Variants in FBXL4 observed in about 807,000 individuals in gnomAD.
FBXL4 encodes F-box/LRR-repeat protein 4.
A neutral mutation model predicts 58.9 loss-of-function variants in FBXL4; 40 were observed. The ratio of observed to expected loss-of-function variants is 0.68; its 90% CI spans 0.53 to 0.88. The LOEUF is 0.88. Among genes scored for constraint, FBXL4 ranks in the 40% least tolerant of loss-of-function variants. FBXL4 has a pLI of 0.00. For missense variants in FBXL4, 676 were observed against 734.4 expected (o/e 0.92, Z 0.92); for synonymous variants, 263 against 265.5 (o/e 0.99, Z 0.09).
chr6:98,899,196 A>C, intron 7 of FBXL4, 72 bp downstream of exon 7: 1 of 1,580,418 alleles, frequency 6.3e-7, no homozygotes, highest in Non-Finnish European at 8.6e-7. Flanking sequence ...CATTATTATG[A>C]GCAATTACAG....
intron 8 of FBXL4, among the ~76,000 whole-genome samples, chr6:98,877,941 G>A (rs961463956): frequency 1.4e-4 from 22 of 152,082 alleles, no homozygotes; most frequent in African/African-American, 4.1e-4. Flanking sequence ...ACATGTTTAC[G>A]GCATTGACTA....
intron 6 of FBXL4, among the ~76,000 whole-genome samples, chr6:98,902,964 T>C (rs146315529): frequency 1.1e-4 from 17 of 152,260 alleles, no homozygotes; most frequent in African/African-American, 3.8e-4. Flanking sequence ...TTCTCCACTA[T>C]TCTGAATAAT....
chr6:98,884,429 C>G (rs1158197587), intron 7 of FBXL4, among the ~76,000 whole-genome samples: 1 of 151,932 alleles, frequency 6.6e-6, no homozygotes, highest in Non-Finnish European at 1.5e-5. Context: ...TTTTATTGTG[C>G]ATATTTGAGA....
intron 1 of FBXL4, among the ~76,000 whole-genome samples, chr6:98,939,891 A>G (rs888598446): frequency 1.3e-5 from 2 of 152,256 alleles, no homozygotes; most frequent in Admixed American, 1.3e-4. Context: ...AGCTTCACAC[A>G]GCATTGGAAG....
Position 98,927,110 on chromosome 6 carries a change from A to G in FBXL4, c.-72-50T>C, listed in dbSNP as rs539088099. On this transcript the variant is annotated intron_variant, in intron 3 of 9. Coordinates refer to ENST00000369244, the MANE Select transcript of FBXL4 (RefSeq NM_001278716.2). Reference sequence around the variant, plus strand: ...AGTAAAATAATTTAAATAAGCAGAAAAATGCATGGATAAGGTAATGAACAG... The same window carrying G: ...AGTAAAATAATTTAAATAAGCAGAAGAATGCATGGATAAGGTAATGAACAG... 5 of 909,192 alleles carry G rather than the reference A, an allele frequency of 5.5e-6. No homozygotes were observed. In the African/African-American group the frequency reaches 8.3e-5, roughly 15 times the overall value. The allele number at this position is 909,192 out of a possible 1,614,324, so 56.3% of individuals were successfully genotyped here. A position where few individuals can be genotyped will look rare whatever the true frequency, so the allele number is the denominator to read the frequency against.
chr6:98,937,823 G>C (rs1371111500), intron 1 of FBXL4, among the ~76,000 whole-genome samples: 1 of 152,124 alleles, frequency 6.6e-6, no homozygotes, highest in South Asian at 2.1e-4. Flanking sequence ...AGTCAAAACT[G>C]TCCAGAATAA....
intron 7 of FBXL4, among the ~76,000 whole-genome samples, chr6:98,893,257 G>C (rs1351616881): frequency 2.0e-5 from 3 of 152,160 alleles, no homozygotes; most frequent in African/African-American, 7.2e-5. Context: ...TTCTAGGGCT[G>C]CTATAACAAA....
chr6:98,920,819 TAC>T (rs10633715), intron 4 of FBXL4, among the ~76,000 whole-genome samples: 16,658 of 144,616 alleles, frequency 0.12, 1,298 homozygotes, highest in African/African-American at 0.22. Flanking sequence ...TACACACACA[TAC>T]ACACACACAC....
intron 7 of FBXL4, chr6:98,897,230 T>C (rs1301114842): frequency 4.1e-6 from 4 of 985,318 alleles, no homozygotes; most frequent in Non-Finnish European, 4.8e-6. Context: ...AAATAGTAAA[T>C]GTGCCAGTAA....
chr6:98,923,437 G>A (rs1772659440), intron 4 of FBXL4, among the ~76,000 whole-genome samples: 1 of 152,098 alleles, frequency 6.6e-6, no homozygotes, highest in Non-Finnish European at 1.5e-5. Flanking sequence ...GTCTCCAGTT[G>A]CCAACAGCTT....
chr6:98,894,018 G>A (rs758130410), intron 7 of FBXL4, among the ~76,000 whole-genome samples: 1 of 151,900 alleles, frequency 6.6e-6, no homozygotes, highest in Non-Finnish European at 1.5e-5. Context: ...GGACTACAGG[G>A]GCATGTCCAG....
intron 4 of FBXL4, among the ~76,000 whole-genome samples, chr6:98,922,840 T>C (rs564595722): frequency 1.3e-5 from 2 of 152,328 alleles, no homozygotes; most frequent in South Asian, 4.1e-4. Context: ...CTTTTTACTG[T>C]ATGTTAATTT....
intron 1 of FBXL4, among the ~76,000 whole-genome samples, chr6:98,937,299 CAAA>C (rs879607004): frequency 8.5e-6 from 1 of 117,954 alleles, no homozygotes. Context: ...GACTTCGTCT[CAAA>C]AAAAAAAAAA....
rs1328184717 is a variant in FBXL4 at position 98,927,096 on chromosome 6, TTAAA to T, written c.-72-40_-72-37del. ...GAATGGCTTGGTGAAGTAAAATAATTTAAATAAGCAGAAAAATGCATGGATAAGG... is the reference window on the plus strand; with the variant it reads ...GAATGGCTTGGTGAAGTAAAATAATTTAAGCAGAAAAATGCATGGATAAGG... On this transcript the variant is annotated intron_variant, in intron 3 of 9. Transcript: ENST00000369244. 9.1e-6 allele frequency: 10 copies of T among 1,098,642 alleles called. No individual in the cohort carries two copies. The African/African-American group carries it at 1.6e-4, about 17-fold the overall frequency. 68.1% of individuals were successfully genotyped at this position (1,098,642 alleles called of 1,614,324 possible).
intron 1 of FBXL4, among the ~76,000 whole-genome samples, chr6:98,946,867 T>C (rs550727129): frequency 6.6e-6 from 1 of 152,358 alleles, no homozygotes; most frequent in South Asian, 2.1e-4. Context: ...AATCTCTCTC[T>C]ACTCAACCAA....
At chr6:98,898,892 A>C (rs1471621272) in intron 7 of FBXL4, 1 of 985,310 alleles carries the variant, frequency 1.0e-6, no homozygotes, top group African/African-American at 1.7e-5. Context: ...AGTCTGGTCC[A>C]GGATAAATAT....
intron 5 of FBXL4, among the ~76,000 whole-genome samples, chr6:98,912,952 C>T (rs563215543): frequency 6.6e-6 from 1 of 151,772 alleles, no homozygotes; most frequent in African/African-American, 2.4e-5. Flanking sequence ...CAGAGACACA[C>T]ATAGGCTCAA....
intron 2 of FBXL4, among the ~76,000 whole-genome samples, chr6:98,934,041 T>A (rs1773108936): frequency 1.3e-5 from 2 of 152,158 alleles, no homozygotes; most frequent in Admixed American, 6.5e-5. Context: ...ATGAAAAAAG[T>A]AGTAACTTCT....
At position 98,916,306 on chromosome 6, in the gene FBXL4, CCCATTA is replaced by C. The variant is rs1288600221; in HGVS notation, c.858+1062_858+1067del. Reference sequence around the variant, plus strand: ...TAGAAATACCATTTGACCCAGCCATCCCATTACTGGGTATATACCCAAAGGACAATA... The same window carrying C: ...TAGAAATACCATTTGACCCAGCCATCCTGGGTATATACCCAAAGGACAATA... On this transcript the variant is annotated intron_variant, in intron 5 of 9. Transcript: ENST00000369244. 4.6e-5 allele frequency among the ~76,000 whole-genome samples: 7 copies of C among 152,312 alleles called. No homozygotes were observed. In the East Asian group the frequency reaches 1.4e-3, roughly 29 times the overall value.
Sources: gnomAD v4.1 joint callset for allele counts (sites outside exome capture counted in the v4.1 genomes callset) on GRCh38, gnomAD v4.1.1 for gene constraint, MANE v1.5 for transcripts, NCBI Gene and HGNC (gene_info 2026-07-23, HGNC 2026-07-21) for gene names.